The following LYST variants were observed in gnomAD, a reference collection of about 807,000 sequenced individuals.
LYST encodes lysosomal-trafficking regulator.
LYST carries 192 observed loss-of-function variants against 413.6 expected under a neutral mutation model. The ratio of observed to expected loss-of-function variants is 0.46; its 90% CI spans 0.41 to 0.52. LYST has a LOEUF of 0.52. LYST is among the 20% of genes least tolerant of loss of function. The probability of loss-of-function intolerance (pLI) is 0.00; values close to 1 mark genes in which losing one functional copy is unlikely to be tolerated. For missense variants in LYST, 3,815 were observed against 4,499.9 expected (o/e 0.85, Z 4.35); for synonymous variants, 1,525 against 1,567.3 (o/e 0.97, Z 0.64).
Position 235,664,579 on chromosome 1 carries a change from T to A in LYST, c.11081A>T (p.Asp3694Val), listed in dbSNP as rs185921743. 5.0e-6 allele frequency: 8 copies of A among 1,614,088 alleles called. No homozygotes were observed. In the East Asian group the frequency reaches 1.8e-4, roughly 36 times the overall value. Residue 3694 changes from aspartate (D) to valine (V), a missense_variant, in exon 51 of 53, where the codon GAT (aspartate) becomes GTT (valine). This residue lies in a region of LYST where 866 missense variants were observed against 1,156.0 expected (regional missense o/e 0.75). Transcript: ENST00000389793. The surrounding 1 kb of genome is among the most constrained non-coding windows in gnomAD (Gnocchi z 4.5). ...CCTGCAGTGGACATGTCCAACGAGA[T>A]CCCCGTTCACCGTCCAGAGTCTGAG... Reference protein sequence around the residue: ...SDLRLWTVNGDLVGHVHCREI... With the variant: ...SDLRLWTVNGVLVGHVHCREI...
intron 3 of LYST, among the ~76,000 whole-genome samples, chr1:235,815,214 G>A (rs954280048): frequency 6.6e-6 from 1 of 152,100 alleles, no homozygotes; most frequent in Non-Finnish European, 1.5e-5. Context: ...TACTAAACAG[G>A]CCAGGCACTG....
intron 42 of LYST, among the ~76,000 whole-genome samples, chr1:235,713,327 C>G: frequency 6.6e-6 from 1 of 151,984 alleles, no homozygotes; most frequent in East Asian, 1.9e-4. Context: ...AACAAAAAAA[C>G]TAAAAGAAAA....
At position 235,744,774 on chromosome 1, in the gene LYST, C is replaced by G. The variant is rs147237804; in HGVS notation, c.7973-617G>C. ...AAATTAGCCGGGCATGGGGTGCACA[C>G]CTGTAGTCACAGCTACTCAGGAGGC... On this transcript the variant is annotated intron_variant, in intron 29 of 52. Coordinates refer to ENST00000389793, the MANE Select transcript of LYST (RefSeq NM_000081.4). Among the ~76,000 whole-genome samples, 435 of 151,734 alleles carry G rather than the reference C, an allele frequency of 2.9e-3. 2 individuals carry two copies. Among genetic ancestry groups the G allele is most frequent in the African/African-American group, 9.8e-3 (405 of 41,384 alleles).
At chr1:235,730,050 C>G (rs938948458) in intron 36 of LYST, among the ~76,000 whole-genome samples, 1 of 151,280 alleles carries the variant, frequency 6.6e-6, no homozygotes, top group South Asian at 2.1e-4. Context: ...TTGTTATATA[C>G]TATTATTGTA....
chr1:235,773,218 C>G lies in LYST; in HGVS notation c.5784+624G>C, dbSNP rs532310208. 5.9e-5 allele frequency among the ~76,000 whole-genome samples: 9 copies of G among 151,792 alleles called. No individual in the cohort carries two copies. In the South Asian group the frequency reaches 1.9e-3, roughly 32 times the overall value. ...TCTGTGGTCCCAGCTACTTGGGAGG[C>G]TGAGGTAGGAGTATCATCTGAGCCT... On this transcript the variant is annotated intron_variant, in intron 19 of 52. Coordinates refer to ENST00000389793, the MANE Select transcript of LYST (RefSeq NM_000081.4).
intron 50 of LYST, among the ~76,000 whole-genome samples, chr1:235,665,280 CA>C (rs2103009362): frequency 6.6e-6 from 1 of 151,998 alleles, no homozygotes; most frequent in South Asian, 2.1e-4. Flanking sequence ...AAACAGTCTC[CA>C]AAAAGTGAAG....
intron 45 of LYST, among the ~76,000 whole-genome samples, chr1:235,701,940 G>C (rs1222538262): frequency 1.3e-5 from 2 of 152,116 alleles, no homozygotes. Context: ...ATATTACAAG[G>C]AATAATAGTC....
intron 4 of LYST, among the ~76,000 whole-genome samples, chr1:235,812,751 AATC>A (rs1553308627): frequency 6.6e-6 from 1 of 152,186 alleles, no homozygotes; most frequent in Non-Finnish European, 1.5e-5. Context: ...TACATTTTCT[AATC>A]ATCAGTACAT....
At chr1:235,678,892 TA>T (rs1439522725) in intron 48 of LYST, among the ~76,000 whole-genome samples, 2 of 152,208 alleles carry the variant, frequency 1.3e-5, no homozygotes, top group African/African-American at 2.4e-5. Flanking sequence ...TATATGGTAT[TA>T]TTTTTTAGGT....
rs760559863 is a variant in LYST, at chr1:235,693,533, T to A, written c.10565-47A>T. ...AAGTATCAGATTGTCACTGCTCGAC[T>A]GTTACATGACAGCCCAAAACTGGCA... On this transcript the variant is annotated intron_variant, in intron 46 of 52. Coordinates refer to ENST00000389793, the MANE Select transcript of LYST (RefSeq NM_000081.4). The A allele has an allele frequency of 8.1e-6, 13 of 1,611,608 alleles. No homozygotes were observed. In the South Asian group the frequency reaches 1.4e-4, roughly 18 times the overall value.
In LYST at chr1:235,740,684, A is replaced by G. The variant is rs754849200; in HGVS notation, c.8358+738T>C. On this transcript the variant is annotated intron_variant, in intron 31 of 52. Transcript: ENST00000389793. ...TCTCTACAGGTATAAAGAAATCACA[A>G]TGTGTTTGTACATTCTTCTGTTGAT... Among the ~76,000 whole-genome samples, 3 of 152,284 alleles carry G rather than the reference A, an allele frequency of 2.0e-5. No homozygotes were observed. The South Asian group carries it at 6.2e-4, about 32-fold the overall frequency.
At chr1:235,678,749 A>C (rs2103039055) in intron 48 of LYST, among the ~76,000 whole-genome samples, 1 of 152,314 alleles carries the variant, frequency 6.6e-6, no homozygotes, top group South Asian at 2.1e-4. Context: ...GTCAGAAGTT[A>C]CTACTAGCCT....
At chr1:235,812,704 A>G (rs1467554691) in intron 4 of LYST, among the ~76,000 whole-genome samples, 2 of 152,222 alleles carry the variant, frequency 1.3e-5, no homozygotes, top group East Asian at 3.9e-4. Flanking sequence ...CTGCACACCT[A>G]GACTCACTCC....
At chr1:235,750,430 G>A (rs1666373130) in intron 28 of LYST, among the ~76,000 whole-genome samples, 1 of 152,162 alleles carries the variant, frequency 6.6e-6, no homozygotes, top group South Asian at 2.1e-4. Context: ...ATTGAACACA[G>A]AAGTAGCTTA....
chr1:235,798,071 T>C (rs1034059841), intron 10 of LYST, among the ~76,000 whole-genome samples: 1 of 151,984 alleles, frequency 6.6e-6, no homozygotes, highest in South Asian at 2.1e-4. Context: ...AATCACAAGA[T>C]AGCACAATGA....
intron 48 of LYST, among the ~76,000 whole-genome samples, chr1:235,685,650 A>G (rs1468104124): frequency 6.6e-6 from 1 of 152,080 alleles, no homozygotes; most frequent in Non-Finnish European, 1.5e-5. Flanking sequence ...GCTCGAGACC[A>G]GTCTGACCAA....
At chr1:235,665,383 G>T (rs1658347029) in intron 50 of LYST, among the ~76,000 whole-genome samples, 2 of 151,946 alleles carry the variant, frequency 1.3e-5, no homozygotes, top group Non-Finnish European at 2.9e-5. Flanking sequence ...GCCGAGGCGG[G>T]TGGATCACCT....
At chr1:235,732,414 C>T (rs943755132) in intron 34 of LYST, among the ~76,000 whole-genome samples, 7 of 152,034 alleles carry the variant, frequency 4.6e-5, no homozygotes, top group East Asian at 1.9e-4. Context: ...GTGATCCTCC[C>T]GCCTCAGCCT....
chr1:235,676,460 C>A (rs28639927), intron 50 of LYST, among the ~76,000 whole-genome samples: 3 of 152,064 alleles, frequency 2.0e-5, no homozygotes, highest in Non-Finnish European at 4.4e-5. Flanking sequence ...CAATCAATGA[C>A]AGGGGATCAC....
Sources: gnomAD v4.1 joint callset for allele counts (sites outside exome capture counted in the v4.1 genomes callset) on GRCh38, gnomAD v4.1.1 for gene constraint, gnomAD v4.1.1 regional missense constraint, Gnocchi (gnomAD v3.1) non-coding constraint, MANE v1.5 for transcripts, NCBI Gene and HGNC (gene_info 2026-07-23, HGNC 2026-07-21) for gene names.